Variants in WDR90 observed in about 807,000 individuals in gnomAD.
The protein encoded by WDR90 is WD repeat-containing protein 90.
WDR90 carries 238 observed loss-of-function variants against 195.2 expected under a neutral mutation model. The observed-to-expected ratio is 1.22, with a 90% confidence interval of 1.10 to 1.36. The LOEUF is 1.36. Among genes scored for constraint, WDR90 ranks in the 40% most tolerant of loss-of-function variants. The probability of loss-of-function intolerance (pLI) is 0.00; values close to 1 mark genes in which losing one functional copy is unlikely to be tolerated. For missense variants in WDR90, 2,734 were observed against 2,439.5 expected, an observed-to-expected ratio of 1.12 and a Z score of -2.54; for synonymous variants, 1,265 against 1,052.4, an observed-to-expected ratio of 1.20 and a Z score of -3.91.
intron 29 of WDR90, 61 bp downstream of exon 29, chr16:661,233 C>T (rs1307886942): frequency 1.3e-6 from 2 of 1,519,228 alleles, no homozygotes; most frequent in Non-Finnish European, 1.8e-6. Context: ...GAACCCAGCT[C>T]CCGGACCGGT....
rs762803363 is a variant in WDR90, at chr16:666,207, G to A, written c.4610-13G>A. Reference sequence around the variant, plus strand: ...CCGGGCTGGGGGCTCACAGGGTGACGGCATGGTCCCAGGTCAGACTGTCCT... The same window carrying A: ...CCGGGCTGGGGGCTCACAGGGTGACAGCATGGTCCCAGGTCAGACTGTCCT... On this transcript the variant is annotated splice_polypyrimidine_tract_variant and intron_variant, in intron 36 of 40. Transcript: ENST00000293879. 7.5e-6 allele frequency: 12 copies of A among 1,609,092 alleles called. No individual in the cohort carries two copies. Among genetic ancestry groups the A allele is most frequent in the Admixed American group, 1.7e-5 (1 of 59,932 alleles).
At position 666,126 on chromosome 16, in the gene WDR90, TGAG is replaced by T; in HGVS notation, c.4609+6_4609+8del. The T allele has an allele frequency of 1.9e-6, 3 of 1,609,004 alleles. No homozygotes were observed. Among genetic ancestry groups the T allele is most frequent in the South Asian group, 1.1e-5 (1 of 90,980 alleles). On this transcript the variant is annotated splice_donor_5th_base_variant and intron_variant, in intron 36 of 40. Transcript: ENST00000293879. Reference sequence around the variant, plus strand: ...CCACTGTTGCCTTCTCCACCGATGGTGAGGAGTTGGGTGTGTTGGGGATGGTGC... The same window carrying T: ...CCACTGTTGCCTTCTCCACCGATGGTGAGTTGGGTGTGTTGGGGATGGTGC...
Position 666,934 on chromosome 16 carries a change from T to G in WDR90, c.5034T>G (p.Phe1678Leu), listed in dbSNP as rs2038089669. The G allele has an allele frequency of 1.2e-6, 2 of 1,612,924 alleles. No homozygotes were observed. Among genetic ancestry groups the G allele is most frequent in the Non-Finnish European group, 1.7e-6 (2 of 1,179,720 alleles). Residue 1678 changes from phenylalanine to leucine, a missense_variant, in exon 40 of 41, where the codon TTT becomes TTG. By Grantham distance (22) the Phe-to-Leu change is conservative. Coordinates refer to ENST00000293879, the MANE Select transcript of WDR90 (RefSeq NM_145294.5). Reference sequence around the variant, plus strand: ...TGGAGAAGATACCACTGCCCTTTTTTGCCATGTCCCTGAGCCTGTCCCCCG... The same window carrying G: ...TGGAGAAGATACCACTGCCCTTTTTGGCCATGTCCCTGAGCCTGTCCCCCG... ...QVVEKIPLPF[F>L]AMSLSLSPGT...
rs772984645 is a variant in WDR90, at chr16:659,316, C to G, written c.3124C>G (p.Pro1042Ala). ...GCTCCCCCGGCAGCAGGTCCCCAAG[C>G]CATGTCAGGCATCTCCACCACGGCT... is the stretch of plus-strand genomic sequence containing the variant. ...SELPRQQVPK[P>A]CQASPPRLGV... Residue 1042 changes from proline to alanine, a missense_variant, in exon 26 of 41, where the codon CCA (proline) becomes GCA (alanine). By Grantham distance (27) the Pro-to-Ala change is conservative. Coordinates refer to ENST00000293879, the MANE Select transcript of WDR90 (RefSeq NM_145294.5). The G allele has an allele frequency of 3.8e-6, 6 of 1,599,782 alleles. No homozygotes were observed. The Admixed American group carries it at 1.0e-4, about 28-fold the overall frequency.
In WDR90 at chr16:666,312, G is replaced by A; in HGVS notation, c.4702G>A (p.Gly1568Ser). 2.5e-6 allele frequency: 4 copies of A among 1,612,720 alleles called. No individual in the cohort carries two copies. In the East Asian group the frequency reaches 8.9e-5, roughly 36 times the overall value. The change falls in exon 37 of 41, where the codon GGC (glycine) becomes AGC (serine). Residue 1568 changes from glycine to serine, a missense_variant. Transcript: ENST00000293879. ...TTFRVLSDHQ[G>S]APISTICVTC... ...CTTCCGTGTGCTGAGTGACCACCAG[G>A]GCGCCCCAATCTCTACCATCTGTGT...
intron 36 of WDR90, 40 bp from the exon 37 acceptor site, chr16:666,180 C>G: frequency 6.2e-7 from 1 of 1,606,450 alleles, no homozygotes; most frequent in Non-Finnish European, 8.5e-7. Flanking sequence ...CAGGTCCAGT[C>G]TCCGGGCTGG....
rs925230572 is a variant in WDR90 at position 665,514 on chromosome 16, C to CA, written c.4312-164dup. ...CACCCAGATCTAGTGCAGGGACACA[C>CA]ACGGGGGCCGGCATTGCTCCTTTCC... On this transcript the variant is annotated intron_variant, in intron 34 of 40. Transcript: ENST00000293879. 2.8e-6 allele frequency: 3 copies of CA among 1,083,206 alleles called. No individual in the cohort carries two copies. In the African/African-American group the frequency reaches 4.6e-5, roughly 17 times the overall value. 67.1% of individuals were successfully genotyped at this position (1,083,206 alleles called of 1,614,324 possible).
chr16:662,625 T>G, intron 33 of WDR90, 54 bp from the exon 34 acceptor site: 1 of 1,512,678 alleles, frequency 6.6e-7, no homozygotes, highest in Non-Finnish European at 8.8e-7. Context: ...AGCTGGCTCT[T>G]GTCATCGGCC....
In WDR90 at chr16:655,434, C is replaced by A. The variant is rs772723143; in HGVS notation, c.1684C>A (p.Arg562=). The A allele has an allele frequency of 1.9e-6, 3 of 1,568,080 alleles. No individual in the cohort carries two copies. Among genetic ancestry groups the A allele is most frequent in the Non-Finnish European group, 2.6e-6 (3 of 1,160,474 alleles). ...QFTDLAFKQA[R]DGCPEPSAAM... ...CACCGACCTGGCCTTCAAGCAGGCCCGGGACGGCTGCCCGGAGCCCTCGGC... is the reference window on the plus strand; with the variant it reads ...CACCGACCTGGCCTTCAAGCAGGCCAGGGACGGCTGCCCGGAGCCCTCGGC... Residue 562 remains arginine (R), a synonymous_variant, in exon 15 of 41, where the codon CGG becomes AGG. Coordinates refer to ENST00000293879, the MANE Select transcript of WDR90 (RefSeq NM_145294.5).
At chr16:657,374 C>A in intron 20 of WDR90, 153 bp downstream of exon 20, 2 of 1,203,222 alleles carry the variant, frequency 1.7e-6, no homozygotes, top group Non-Finnish European at 1.1e-6. Flanking sequence ...TTGTCAAGGC[C>A]CTGAGGAGAC....
rs374784563 is a variant in WDR90 at position 650,005 on chromosome 16, G to A, written c.117G>A (p.Lys39=). The A allele has an allele frequency of 5.0e-6, 8 of 1,612,648 alleles. No homozygotes were observed. Among genetic ancestry groups the A allele is most frequent in the South Asian group, 3.3e-5 (3 of 91,096 alleles). The change falls in exon 3 of 41, where the codon AAG becomes AAA. Residue 39 remains lysine, a synonymous_variant. Transcript: ENST00000293879. ...CGCTTCTCCAGGACAAGACCCTGAAGGGCGCCGTGTATCGCATTCGGGGCT... is the reference window on the plus strand; with the variant it reads ...CGCTTCTCCAGGACAAGACCCTGAAAGGCGCCGTGTATCGCATTCGGGGCT... ...DVAVVTDKTL[K]GAVYRIRGSV... is the part of the protein sequence containing the mutation.
In WDR90 at chr16:661,626, TGGGGCACGG is replaced by T; in HGVS notation, c.3704_3712del (p.Trp1235_Ala1238delinsSer). ...CCACGATGGCCGCACCCTCGCCCTG[TGGGGCACGG>T]CCACCTATGACCTCGTGTCCTCCAC... On this transcript the variant is annotated inframe_deletion, in exon 31 of 41. Coordinates refer to ENST00000293879, the MANE Select transcript of WDR90 (RefSeq NM_145294.5). The T allele has an allele frequency of 6.2e-7, 1 of 1,601,984 alleles. No homozygotes were observed. Among genetic ancestry groups the T allele is most frequent in the East Asian group, 2.2e-5 (1 of 44,768 alleles).
rs540557322 is a variant in WDR90 at position 650,540 on chromosome 16, T to C, written c.390T>C (p.Asp130=). Reference sequence around the variant, plus strand: ...TGACCCTGAGTGCCCATCCTGCAGATCTGGTGGGTTTGGCCCCCTCCGGAG... The same window carrying C: ...TGACCCTGAGTGCCCATCCTGCAGACCTGGTGGGTTTGGCCCCCTCCGGAG... ...LVLEARTPQR[D]LVGLAPSGAR... is the part of the protein sequence containing the mutation. The change falls in exon 5 of 41, where the codon GAT becomes GAC. Residue 130 remains aspartate (D), a splice_region_variant and synonymous_variant. Coordinates refer to ENST00000293879, the MANE Select transcript of WDR90 (RefSeq NM_145294.5). The C allele has an allele frequency of 6.2e-7, 1 of 1,603,724 alleles. No individual in the cohort carries two copies. Among genetic ancestry groups the C allele is most frequent in the Non-Finnish European group, 8.5e-7 (1 of 1,173,138 alleles).
rs775567808 is a variant in WDR90, at chr16:655,322, G to GC, written c.1573dup (p.Gln525ProfsTer62). 5 of 1,604,908 alleles carry GC rather than the reference G, an allele frequency of 3.1e-6. No homozygotes were observed. Among genetic ancestry groups the GC allele is most frequent in the Non-Finnish European group, 3.4e-6 (4 of 1,179,674 alleles). On this transcript the variant is annotated frameshift_variant, in exon 15 of 41. Coordinates refer to ENST00000293879, the MANE Select transcript of WDR90 (RefSeq NM_145294.5). LOFTEE classifies it high-confidence loss of function. Reference sequence around the variant, plus strand: ...TTCCTTGCAGGATGGCGTCGTGCGGGCAGGGCAGTGTGCGGCTCTGGCGGC... The same window carrying GC: ...TTCCTTGCAGGATGGCGTCGTGCGGGCCAGGGCAGTGTGCGGCTCTGGCGGC...
chr16:665,827 G>A (rs768924518), intron 35 of WDR90, 26 bp downstream of exon 35: 1 of 1,561,336 alleles, frequency 6.4e-7, no homozygotes, highest in Admixed American at 1.8e-5. Context: ...CCGGGCCGGG[G>A]GCGGGATGGG....
At chr16:659,048 C>A (rs201253956) in intron 24 of WDR90, 37 bp downstream of exon 24, 3 of 1,613,244 alleles carry the variant, frequency 1.9e-6, no homozygotes, top group South Asian at 2.2e-5. Flanking sequence ...GCCTAGGCCC[C>A]CCAGGCCCTC....
intron 13 of WDR90, chr16:654,685 A>G: frequency 3.2e-6 from 1 of 313,876 alleles, no homozygotes; most frequent in Non-Finnish European, 6.0e-6. Flanking sequence ...CCAGGGCTCA[A>G]GCAGTCCTCC....
At position 654,198 on chromosome 16, in the gene WDR90, CAT is replaced by C. The variant is rs1491412190; in HGVS notation, c.1437+396_1437+397del. 29 of 237,364 alleles carry C rather than the reference CAT, an allele frequency of 1.2e-4. No homozygotes were observed. The East Asian group carries it at 2.8e-3, about 23-fold the overall frequency. The allele number at this position is 237,364 out of a possible 1,614,324, so 14.7% of individuals were successfully genotyped here. A position where few individuals can be genotyped will look rare whatever the true frequency, so the allele number is the denominator to read the frequency against. On this transcript the variant is annotated intron_variant, in intron 13 of 40. Transcript: ENST00000293879. ...ATCTTGGTGGGGGCACCTTTTTAAA[CAT>C]TTTTTTTTTGAGAGAGAGCCTTGTT...
Position 658,168 on chromosome 16 carries a change from T to C in WDR90, c.2605-15T>C. On this transcript the variant is annotated splice_polypyrimidine_tract_variant and intron_variant, in intron 21 of 40. Coordinates refer to ENST00000293879, the MANE Select transcript of WDR90 (RefSeq NM_145294.5). ...CCAGGGGCCCTGACTGTCGGCCACT[T>C]ACCACTACCCCCAGCTGCTGCGAGT... 6.2e-7 allele frequency: 1 copy of C among 1,601,626 alleles called. No individual in the cohort carries two copies. The highest frequency in any genetic ancestry group is 8.5e-7 in the Non-Finnish European group (1 of 1,172,392).
Sources: gnomAD v4.1 joint callset for allele counts on GRCh38, gnomAD v4.1.1 for gene constraint, MANE v1.5 for transcripts, NCBI Gene and HGNC (gene_info 2026-07-23, HGNC 2026-07-21) for gene names.